CHST11: variants seen among roughly 807,000 people sequenced by gnomAD.
CHST11 encodes carbohydrate sulfotransferase 11.
Under a neutral mutation model 30.4 loss-of-function variants are expected in CHST11, and 9 were observed. The observed-to-expected ratio is 0.30, with a 90% CI of 0.18 to 0.52. The LOEUF is 0.52. Ranked by LOEUF, CHST11 falls within the 20% of genes least tolerant of loss-of-function variation. The pLI is 0.97. For missense variants in CHST11, 348 were observed against 460.6 expected (o/e 0.76, Z 2.24); for synonymous variants, 152 against 187.8 (o/e 0.81, Z 1.56).
At chr12:104,607,187 G>A (rs1248241996) in intron 2 of CHST11, among the ~76,000 whole-genome samples, 2 of 152,170 alleles carry the variant, frequency 1.3e-5, no homozygotes, top group Non-Finnish European at 2.9e-5. Context: ...TGTCAGAGAA[G>A]GAGTCACCCC....
At chr12:104,639,912 G>A (rs1454773893) in intron 2 of CHST11, among the ~76,000 whole-genome samples, 3 of 152,144 alleles carry the variant, frequency 2.0e-5, no homozygotes, top group African/African-American at 4.8e-5. Flanking sequence ...GTTAAAAATG[G>A]GTGAAAGATA....
At chr12:104,628,565 G>T (rs1269777247) in intron 2 of CHST11, among the ~76,000 whole-genome samples, 1 of 152,160 alleles carries the variant, frequency 6.6e-6, no homozygotes, top group Non-Finnish European at 1.5e-5. Flanking sequence ...TCCGCTGACA[G>T]AAGAGGCTCT....
chr12:104,649,007 T>G (rs1008497352), intron 2 of CHST11, among the ~76,000 whole-genome samples: 2 of 152,124 alleles, frequency 1.3e-5, no homozygotes, highest in African/African-American at 4.8e-5. Flanking sequence ...TCTCTTCCTT[T>G]CTGTCCTCTT....
chr12:104,720,881 C>T (rs1459271179), intron 2 of CHST11, among the ~76,000 whole-genome samples: 1 of 152,184 alleles, frequency 6.6e-6, no homozygotes, highest in Non-Finnish European at 1.5e-5. Context: ...AGACGCCGTT[C>T]ACCTCTCCTA....
intron 2 of CHST11, among the ~76,000 whole-genome samples, chr12:104,610,043 CTGTGTGTGTGTGTGTG>C (rs56983056): frequency 0.02 from 2,906 of 143,168 alleles, 82 homozygotes; most frequent in East Asian, 0.11. Context: ...ATGAGTGCCT[CTGTGTGTGTGTGTGTG>C]TGTGTGTGTG....
intron 2 of CHST11, among the ~76,000 whole-genome samples, chr12:104,649,538 T>C (rs2039471495): frequency 6.6e-6 from 1 of 152,186 alleles, no homozygotes; most frequent in Admixed American, 6.5e-5. Context: ...TACTCTAAAC[T>C]CCAAGTGCTT....
chr12:104,615,648 C>T (rs1317073919), intron 2 of CHST11, among the ~76,000 whole-genome samples: 3 of 152,162 alleles, frequency 2.0e-5, no homozygotes, highest in Non-Finnish European at 2.9e-5. Context: ...AAGAATTGGC[C>T]GGGCTCGGTG....
At chr12:104,579,881 G>A (rs140306573) in intron 1 of CHST11, among the ~76,000 whole-genome samples, 139 of 152,322 alleles carry the variant, frequency 9.1e-4, no homozygotes, top group Non-Finnish European at 1.8e-3. Flanking sequence ...ATGACCAGAA[G>A]TGATGCATTG....
intron 1 of CHST11, among the ~76,000 whole-genome samples, chr12:104,592,736 A>G (rs1479982791): frequency 6.6e-6 from 1 of 152,112 alleles, no homozygotes; most frequent in Non-Finnish European, 1.5e-5. Flanking sequence ...TGGTCTCTAA[A>G]GGGCCCTTTT....
At chr12:104,623,189 T>G (rs920266446) in intron 2 of CHST11, among the ~76,000 whole-genome samples, 2 of 152,188 alleles carry the variant, frequency 1.3e-5, no homozygotes, top group Middle Eastern at 3.2e-3. Context: ...GCCAGAGGTC[T>G]TGAGTTCAAG....
intron 2 of CHST11, among the ~76,000 whole-genome samples, chr12:104,606,925 C>T (rs190882974): frequency 1.3e-5 from 2 of 151,992 alleles, no homozygotes; most frequent in African/African-American, 4.8e-5. Context: ...AAAATTCGCC[C>T]GGCATGGTGG....
At chr12:104,590,440 G>A (rs192801878) in intron 1 of CHST11, among the ~76,000 whole-genome samples, 1 of 152,206 alleles carries the variant, frequency 6.6e-6, no homozygotes, top group Non-Finnish European at 1.5e-5. Context: ...TTTTGGGAAA[G>A]GCACTTCCAT....
intron 2 of CHST11, among the ~76,000 whole-genome samples, chr12:104,606,713 T>C (rs952900006): frequency 2.0e-5 from 3 of 152,292 alleles, no homozygotes; most frequent in East Asian, 3.9e-4. Flanking sequence ...TCAGGACCAG[T>C]TGCAAAATTC....
intron 2 of CHST11, among the ~76,000 whole-genome samples, chr12:104,739,677 C>T (rs1268387613): frequency 6.6e-6 from 1 of 152,202 alleles, no homozygotes; most frequent in Non-Finnish European, 1.5e-5. Context: ...ATATTAATTG[C>T]TTGTCCCTTA....
chr12:104,665,195 T>C (rs937107979), intron 2 of CHST11, among the ~76,000 whole-genome samples: 4 of 152,268 alleles, frequency 2.6e-5, no homozygotes, highest in African/African-American at 9.6e-5. Flanking sequence ...GATCTGATTC[T>C]ACCCCATTTA....
At chr12:104,660,770 A>G (rs937665052) in intron 2 of CHST11, among the ~76,000 whole-genome samples, 1 of 152,168 alleles carries the variant, frequency 6.6e-6, no homozygotes, top group Non-Finnish European at 1.5e-5. Flanking sequence ...CCTTACATTT[A>G]TGAAAACTGA....
chr12:104,504,421 C>T (rs757002431), intron 1 of CHST11, among the ~76,000 whole-genome samples: 7 of 152,214 alleles, frequency 4.6e-5, no homozygotes, highest in Non-Finnish European at 1.0e-4. Context: ...CCTGTTTCTT[C>T]GATGTCACCT....
At chr12:104,471,371 C>T (rs910197097) in intron 1 of CHST11, among the ~76,000 whole-genome samples, 2 of 152,168 alleles carry the variant, frequency 1.3e-5, no homozygotes, top group African/African-American at 2.4e-5. Context: ...TTTGGGATAG[C>T]GGGTATGGAA....
chr12:104,657,767 G>A (rs2039559539), intron 2 of CHST11, among the ~76,000 whole-genome samples: 1 of 152,142 alleles, frequency 6.6e-6, no homozygotes, highest in Non-Finnish European at 1.5e-5. Context: ...TCTGGACTCC[G>A]ATGGCTGGAC....
Sources: allele counts gnomAD v4.1 joint callset (sites outside exome capture counted in the v4.1 genomes callset), GRCh38; gene constraint gnomAD v4.1.1; transcripts MANE v1.5; gene names NCBI Gene and HGNC (gene_info 2026-07-23, HGNC 2026-07-21).